Variants in PLCH1 observed in about 807,000 individuals in gnomAD.
The protein encoded by PLCH1 is phospholipase C eta 1.
A neutral mutation model predicts 126.7 loss-of-function variants in PLCH1; 60 were observed. The ratio of observed to expected loss-of-function variants is 0.47; its 90% CI spans 0.38 to 0.59. The LOEUF (loss-of-function observed/expected upper bound fraction) is 0.59. PLCH1 is among the 20% of genes least tolerant of loss of function. The pLI is 0.00. For missense variants in PLCH1, 1,723 were observed against 2,040.0 expected (o/e 0.84, Z 2.99); for synonymous variants, 719 against 734.9 (o/e 0.98, Z 0.35).
intron 2 of PLCH1, among the ~76,000 whole-genome samples, chr3:155,622,267 G>C (rs533088036): frequency 6.6e-6 from 1 of 152,180 alleles, no homozygotes; most frequent in East Asian, 1.9e-4. Flanking sequence ...GGAAACACTA[G>C]ACATGGAAAA....
rs559259415 is a variant in PLCH1, at chr3:155,631,914, T to G, written c.80-35536A>C. Among the ~76,000 whole-genome samples, 66 of 152,182 alleles carry G rather than the reference T, an allele frequency of 4.3e-4. No homozygotes were observed. The Middle Eastern group carries it at 0.01, about 24-fold the overall frequency. ...ACCACAAGAACTCCTTTTTTTTTTT[T>G]TTTTTGTCTTGAAGCACTTGACTCA... On this transcript the variant is annotated intron_variant, in intron 2 of 22. Coordinates refer to ENST00000460012, the MANE Select transcript of PLCH1 (RefSeq NM_014996.4).
At chr3:155,500,332 A>T (rs1414333629) in intron 14 of PLCH1, among the ~76,000 whole-genome samples, 1 of 152,198 alleles carries the variant, frequency 6.6e-6, no homozygotes, top group Non-Finnish European at 1.5e-5. Flanking sequence ...TGGTAACTGG[A>T]GGAACAAGAA....
chr3:155,673,679 C>T (rs923368341), intron 2 of PLCH1, among the ~76,000 whole-genome samples: 3 of 152,166 alleles, frequency 2.0e-5, no homozygotes, highest in Admixed American at 6.5e-5. Flanking sequence ...CTCCCTATGA[C>T]TATTTTTTCT....
chr3:155,555,863 C>T (rs944371199), intron 8 of PLCH1, among the ~76,000 whole-genome samples: 5 of 152,132 alleles, frequency 3.3e-5, no homozygotes, highest in Non-Finnish European at 7.3e-5. Flanking sequence ...TCAAACACCA[C>T]CAAAAGCCTA....
At chr3:155,639,369 G>A (rs1287823224) in intron 2 of PLCH1, among the ~76,000 whole-genome samples, 1 of 152,198 alleles carries the variant, frequency 6.6e-6, no homozygotes, top group African/African-American at 2.4e-5. Context: ...GCTTAGGCAG[G>A]AGGATCACTT....
intron 1 of PLCH1, among the ~76,000 whole-genome samples, chr3:155,710,429 A>G (rs7650414): frequency 0.83 from 126,313 of 152,226 alleles, 53,031 homozygotes; most frequent in Middle Eastern, 0.91. Flanking sequence ...TTTTAATAAA[A>G]TCCAGCTTAT....
At chr3:155,623,834 G>A (rs1736860414) in intron 2 of PLCH1, among the ~76,000 whole-genome samples, 1 of 152,154 alleles carries the variant, frequency 6.6e-6, no homozygotes, top group African/African-American at 2.4e-5. Context: ...AAGAGGAGCT[G>A]GTACCATTCC....
At chr3:155,583,163 G>A (rs1730931745) in intron 6 of PLCH1, among the ~76,000 whole-genome samples, 2 of 150,268 alleles carry the variant, frequency 1.3e-5, no homozygotes, top group Non-Finnish European at 3.0e-5. Flanking sequence ...ATACATCATA[G>A]TATTAGTATA....
intron 21 of PLCH1, among the ~76,000 whole-genome samples, chr3:155,460,370 T>C (rs566198424): frequency 6.6e-6 from 1 of 152,264 alleles, no homozygotes; most frequent in South Asian, 2.1e-4. Flanking sequence ...CCACCACCAT[T>C]GTCTTGTAGT....
At chr3:155,723,298 C>G (rs775654721) in intron 1 of PLCH1, among the ~76,000 whole-genome samples, 16 of 152,204 alleles carry the variant, frequency 1.1e-4, no homozygotes, top group Non-Finnish European at 1.8e-4. Flanking sequence ...TTATTTGAAT[C>G]ATCTCTCTTC....
chr3:155,574,923 G>A (rs1004116152), intron 6 of PLCH1, among the ~76,000 whole-genome samples: 1 of 152,020 alleles, frequency 6.6e-6, no homozygotes, highest in Non-Finnish European at 1.5e-5. Context: ...TTGAGGTCAG[G>A]AGTTCGAGGC....
chr3:155,582,803 G>T (rs893190306), intron 6 of PLCH1, among the ~76,000 whole-genome samples: 7 of 152,108 alleles, frequency 4.6e-5, no homozygotes, highest in Non-Finnish European at 1.0e-4. Flanking sequence ...ACTTTAGTGA[G>T]AAACAGACTT....
intron 10 of PLCH1, among the ~76,000 whole-genome samples, chr3:155,543,181 AG>A (rs1316712892): frequency 1.1e-4 from 17 of 152,222 alleles, no homozygotes; most frequent in Non-Finnish European, 2.2e-4. Context: ...ACCAATACAG[AG>A]AAGTACTTAA....
chr3:155,469,952 T>G (rs1247466504), intron 21 of PLCH1, among the ~76,000 whole-genome samples: 2 of 152,046 alleles, frequency 1.3e-5, no homozygotes, highest in African/African-American at 4.8e-5. Flanking sequence ...AGACCAAAAG[T>G]AGATAAAACC....
At chr3:155,659,043 T>C (rs972212720) in intron 2 of PLCH1, among the ~76,000 whole-genome samples, 1 of 152,200 alleles carries the variant, frequency 6.6e-6, no homozygotes, top group Non-Finnish European at 1.5e-5. Flanking sequence ...CAAAATTGTC[T>C]TCTTAGCTGC....
At chr3:155,538,716 G>T (rs1266887468) in intron 10 of PLCH1, among the ~76,000 whole-genome samples, 2 of 151,870 alleles carry the variant, frequency 1.3e-5, no homozygotes, top group Non-Finnish European at 2.9e-5. Context: ...CAGAAACTCT[G>T]AACAAACCAA....
chr3:155,725,591 A>G (rs1320767026), intron 1 of PLCH1, among the ~76,000 whole-genome samples: 1 of 151,660 alleles, frequency 6.6e-6, no homozygotes, highest in East Asian at 1.9e-4. Context: ...GGGATTACAG[A>G]TGCATGCCCG....
chr3:155,603,527 G>C (rs1225231072), intron 2 of PLCH1, among the ~76,000 whole-genome samples: 1 of 152,162 alleles, frequency 6.6e-6, no homozygotes, highest in South Asian at 2.1e-4. Flanking sequence ...AAAGAAGGGA[G>C]CAAACAGAGT....
At chr3:155,740,781 T>C (rs889014376) in intron 1 of PLCH1, among the ~76,000 whole-genome samples, 1 of 152,238 alleles carries the variant, frequency 6.6e-6, no homozygotes, top group Non-Finnish European at 1.5e-5. Flanking sequence ...TAGAAATCAG[T>C]AACTCTGCGT....
Sources: allele counts gnomAD v4.1 joint callset (sites outside exome capture counted in the v4.1 genomes callset), GRCh38; gene constraint gnomAD v4.1.1; transcripts MANE v1.5; gene names NCBI Gene and HGNC (gene_info 2026-07-23, HGNC 2026-07-21).